IPO11: variants seen among roughly 807,000 people sequenced by gnomAD.
The protein encoded by IPO11 is importin-11.
In IPO11, 66 loss-of-function variants were observed where a neutral mutation model predicts 143.2. The ratio of observed to expected loss-of-function variants is 0.46; its 90% confidence interval spans 0.38 to 0.57. The LOEUF (loss-of-function observed/expected upper bound fraction) is 0.57, where lower values mean the gene tolerates loss of function less well. IPO11 is among the 20% of genes least tolerant of loss of function. The pLI is 0.00. For missense variants in IPO11, 1,026 were observed against 1,141.0 expected (o/e 0.90, Z 1.45); for synonymous variants, 385 against 377.8 (o/e 1.02, Z -0.22).
chr5:62,545,563 CA>C (rs993611243), intron 24 of IPO11, among the ~76,000 whole-genome samples: 1 of 152,098 alleles, frequency 6.6e-6, no homozygotes, highest in African/African-American at 2.4e-5. Context: ...TCTAAAACAC[CA>C]AAAGTAATGG....
intron 8 of IPO11, 67 bp downstream of exon 8, chr5:62,474,531 T>C (rs1294265295): frequency 1.8e-6 from 2 of 1,089,572 alleles, no homozygotes; most frequent in Non-Finnish European, 2.7e-6. Flanking sequence ...ATTCATTCAT[T>C]AATAGCTAGG....
At chr5:62,469,449 C>T (rs1220334865) in intron 6 of IPO11, among the ~76,000 whole-genome samples, 1 of 152,158 alleles carries the variant, frequency 6.6e-6, no homozygotes, top group Non-Finnish European at 1.5e-5. Flanking sequence ...CTTTAGACCT[C>T]ATAAACACTA....
At chr5:62,458,000 A>T (rs1295060180) in intron 5 of IPO11, among the ~76,000 whole-genome samples, 1 of 152,000 alleles carries the variant, frequency 6.6e-6, no homozygotes, top group Non-Finnish European at 1.5e-5. Flanking sequence ...TACAAAAATT[A>T]GCTGGGCGTG....
At chr5:62,446,018 G>C (rs1383633218) in intron 3 of IPO11, among the ~76,000 whole-genome samples, 1 of 152,180 alleles carries the variant, frequency 6.6e-6, no homozygotes, top group Non-Finnish European at 1.5e-5. Flanking sequence ...GGGTTTGATA[G>C]TAGAAGGGAA....
At chr5:62,552,181 A>T (rs2112350902) in intron 26 of IPO11, among the ~76,000 whole-genome samples, 1 of 152,248 alleles carries the variant, frequency 6.6e-6, no homozygotes, top group South Asian at 2.1e-4. Context: ...TTATGCTGTA[A>T]GTCATTAATC....
intron 5 of IPO11, among the ~76,000 whole-genome samples, chr5:62,453,961 T>C (rs1745031360): frequency 6.6e-6 from 1 of 151,612 alleles, no homozygotes; most frequent in African/African-American, 2.4e-5. Context: ...TGAAACCCTA[T>C]CTCTACTAAA....
At chr5:62,435,104 A>ATATG (rs1561308778) in intron 1 of IPO11, among the ~76,000 whole-genome samples, 2 of 76,290 alleles carry the variant, frequency 2.6e-5, no homozygotes, top group Non-Finnish European at 5.2e-5. Flanking sequence ...ATATATGTAT[A>ATATG]TATATGTATA....
intron 18 of IPO11, among the ~76,000 whole-genome samples, chr5:62,505,996 T>C (rs1306925769): frequency 6.6e-6 from 1 of 152,024 alleles, no homozygotes; most frequent in East Asian, 1.9e-4. Context: ...ATTATTCAGT[T>C]TGTAGATGAG....
At chr5:62,621,629 C>G (rs1746380624) in intron 29 of IPO11, among the ~76,000 whole-genome samples, 1 of 152,058 alleles carries the variant, frequency 6.6e-6, no homozygotes, top group Non-Finnish European at 1.5e-5. Flanking sequence ...TAATTTAAGC[C>G]AGGAAAGTCC....
intron 16 of IPO11, among the ~76,000 whole-genome samples, chr5:62,504,012 G>A (rs1741452753): frequency 6.6e-6 from 1 of 152,230 alleles, no homozygotes; most frequent in East Asian, 1.9e-4. Context: ...GAATATCTTA[G>A]CCCATGCCAA....
At chr5:62,614,331 TACAG>T (rs1365772027) in intron 29 of IPO11, among the ~76,000 whole-genome samples, 1 of 152,198 alleles carries the variant, frequency 6.6e-6, no homozygotes. Context: ...AACTTTTACA[TACAG>T]ACAAAGAGGA....
intron 12 of IPO11, 73 bp downstream of exon 12, chr5:62,485,535 CT>C: frequency 8.4e-7 from 1 of 1,196,934 alleles, no homozygotes; most frequent in Non-Finnish European, 1.2e-6. Context: ...GAGAATGACA[CT>C]CTATTAAAGA....
intron 22 of IPO11, among the ~76,000 whole-genome samples, chr5:62,534,790 A>G (rs1295035851): frequency 2.6e-5 from 4 of 152,094 alleles, no homozygotes. Context: ...GACATTCCCA[A>G]ATGTCCTGTA....
At chr5:62,597,026 C>G (rs1010632054) in intron 28 of IPO11, among the ~76,000 whole-genome samples, 9 of 152,180 alleles carry the variant, frequency 5.9e-5, no homozygotes, top group Non-Finnish European at 1.2e-4. Flanking sequence ...TTCCATCTTT[C>G]CCTGTTTCTT....
chr5:62,589,507 A>G (rs1316956343), intron 27 of IPO11, among the ~76,000 whole-genome samples: 2 of 152,164 alleles, frequency 1.3e-5, no homozygotes, highest in Non-Finnish European at 2.9e-5. Flanking sequence ...TCATAGCCAA[A>G]TTAGTTGCCA....
chr5:62,499,770 C>A (rs1741285996), intron 16 of IPO11, among the ~76,000 whole-genome samples: 1 of 152,026 alleles, frequency 6.6e-6, no homozygotes, highest in African/African-American at 2.4e-5. Context: ...AAAATATTTT[C>A]TTTTGTTATA....
chr5:62,497,534 C>T (rs541995426), intron 16 of IPO11, among the ~76,000 whole-genome samples: 2 of 152,204 alleles, frequency 1.3e-5, no homozygotes, highest in South Asian at 4.2e-4. Flanking sequence ...ATGGTGAGGT[C>T]ACGACTCACT....
At chr5:62,487,635 T>C in intron 12 of IPO11, 136 bp from the exon 13 acceptor site, 1 of 978,950 alleles carries the variant, frequency 1.0e-6, no homozygotes, top group Non-Finnish European at 1.3e-6. Context: ...ACCTTACTTT[T>C]TTTTTTTAAC....
intron 26 of IPO11, among the ~76,000 whole-genome samples, chr5:62,551,681 G>A (rs945003196): frequency 1.3e-5 from 2 of 152,140 alleles, no homozygotes; most frequent in African/African-American, 4.8e-5. Context: ...TACTTCTTTA[G>A]TTAACTTATT....
Sources: allele counts gnomAD v4.1 joint callset (sites outside exome capture counted in the v4.1 genomes callset), GRCh38; gene constraint gnomAD v4.1.1; transcripts MANE v1.5; gene names NCBI Gene and HGNC (gene_info 2026-07-23, HGNC 2026-07-21).